The following PDE6C variants were observed in gnomAD, a reference collection of about 807,000 sequenced individuals.
The protein encoded by PDE6C is phosphodiesterase 6C, also known as cone cGMP-specific 3',5'-cyclic phosphodiesterase subunit alpha'.
A neutral mutation model predicts 113.1 loss-of-function variants in PDE6C; 75 were observed. That is an observed-to-expected ratio of 0.66 (90% CI 0.55 to 0.80). The LOEUF (loss-of-function observed/expected upper bound fraction) is 0.80, where lower values mean the gene tolerates loss of function less well. Ranked by LOEUF, PDE6C falls within the 30% of genes least tolerant of loss-of-function variation. PDE6C has a pLI of 0.00. For missense variants in PDE6C, 912 were observed against 1,038.6 expected (o/e 0.88, Z 1.67); for synonymous variants, 375 against 363.7 (o/e 1.03, Z -0.35).
intron 18 of PDE6C, among the ~76,000 whole-genome samples, chr10:93,659,476 A>G (rs2058655989): frequency 1.3e-5 from 2 of 152,210 alleles, no homozygotes; most frequent in African/African-American, 4.8e-5. Flanking sequence ...GCTAATAAAG[A>G]CATACCCGAG....
chr10:93,639,973 T>G, intron 11 of PDE6C, 97 bp from the exon 12 acceptor site: 1 of 1,240,324 alleles, frequency 8.1e-7, no homozygotes, highest in Non-Finnish European at 1.2e-6. Context: ...ATTGTGTTCT[T>G]TTATTGTAAT....
chr10:93,615,443 G>T (rs532303363), intron 1 of PDE6C, among the ~76,000 whole-genome samples: 1 of 152,212 alleles, frequency 6.6e-6, no homozygotes, highest in African/African-American at 2.4e-5. Context: ...GTGCGATGGC[G>T]CTATCTTGGC....
chr10:93,639,887 G>A (rs1358800362), intron 11 of PDE6C, among the ~76,000 whole-genome samples, 183 bp from the exon 12 acceptor site: 4 of 152,210 alleles, frequency 2.6e-5, no homozygotes, highest in Non-Finnish European at 5.9e-5. Context: ...AGATAATCGT[G>A]TAGGCCTGCC....
chr10:93,636,366 C>G (rs11187565), intron 10 of PDE6C, among the ~76,000 whole-genome samples: 46,617 of 90,498 alleles, frequency 0.52, 8,098 homozygotes, highest in Non-Finnish European at 0.57. Flanking sequence ...ATTTCCCTGG[C>G]TTTGTGTGTG....
intron 16 of PDE6C, among the ~76,000 whole-genome samples, chr10:93,658,383 A>G (rs2133876882): frequency 6.6e-6 from 1 of 152,186 alleles, no homozygotes; most frequent in African/African-American, 2.4e-5. Flanking sequence ...TTTGGGTTCC[A>G]ACTTTTTGTT....
intron 1 of PDE6C, among the ~76,000 whole-genome samples, chr10:93,614,347 A>G (rs926820082): frequency 2.6e-5 from 4 of 152,262 alleles, no homozygotes; most frequent in Admixed American, 2.6e-4. Context: ...ACAACCACAG[A>G]ACACCGCTCA....
chr10:93,644,835 A>G (rs1232748177), intron 14 of PDE6C, among the ~76,000 whole-genome samples: 1 of 147,116 alleles, frequency 6.8e-6, no homozygotes, highest in African/African-American at 2.5e-5. Flanking sequence ...TATATATACT[A>G]TATATAGTAC....
chr10:93,628,909 C>G (rs1355559536), intron 7 of PDE6C, among the ~76,000 whole-genome samples: 1 of 152,180 alleles, frequency 6.6e-6, no homozygotes, highest in East Asian at 1.9e-4. Flanking sequence ...GCAATCCTAG[C>G]TCTGCTGCTC....
At chr10:93,649,866 A>G (rs1227151848) in intron 15 of PDE6C, among the ~76,000 whole-genome samples, 1 of 152,150 alleles carries the variant, frequency 6.6e-6, no homozygotes, top group African/African-American at 2.4e-5. Flanking sequence ...TGGCCTCCCA[A>G]AGTGCTGGGA....
rs576721944 is a variant in PDE6C at position 93,651,404 on chromosome 10, G to T, written c.1936-4356G>T. On this transcript the variant is annotated intron_variant, in intron 15 of 21. Coordinates refer to ENST00000371447, the MANE Select transcript of PDE6C (RefSeq NM_006204.4). ...AGGCCTCAGGAAACTTACAATCATG[G>T]CTGAAGGAGAAGGGGAAGCAAGGCA... Among the ~76,000 whole-genome samples, 156 of 152,324 alleles carry T rather than the reference G, an allele frequency of 1.0e-3. 1 individual carries two copies. The Middle Eastern group carries it at 0.014, about 13-fold the overall frequency.
intron 12 of PDE6C, 79 bp downstream of exon 12, chr10:93,640,295 G>A: frequency 7.0e-7 from 1 of 1,422,928 alleles, no homozygotes; most frequent in Middle Eastern, 1.9e-4. Context: ...TCAAAAGATG[G>A]ACTCAGTTTG....
At chr10:93,644,806 T>C (rs2058575590) in intron 14 of PDE6C, among the ~76,000 whole-genome samples, 1 of 147,156 alleles carries the variant, frequency 6.8e-6, no homozygotes, top group Non-Finnish European at 1.5e-5. Flanking sequence ...AGTATATATA[T>C]AGTATGTATA....
Position 93,613,100 on chromosome 10 carries a change from C to A in PDE6C, c.375C>A (p.Asp125Glu). The change falls in exon 1 of 22, where the codon GAC becomes GAA. Residue 125 changes from aspartate (D) to glutamate (E), a missense_variant. Physicochemically the swap from Asp to Glu is conservative, Grantham distance 45. Coordinates refer to ENST00000371447, the MANE Select transcript of PDE6C (RefSeq NM_006204.4). Reference sequence around the variant, plus strand: ...TCACCCCCACCTCCAAGTTTGAGGACAACCTGGTGGGCCCTGACAAAGAAG... The same window carrying A: ...TCACCCCCACCTCCAAGTTTGAGGAAAACCTGGTGGGCCCTGACAAAGAAG... ...LDVTPTSKFEDNLVGPDKEVV... is the reference protein window; with the variant it reads ...LDVTPTSKFEENLVGPDKEVV... The A allele has an allele frequency of 1.2e-6, 2 of 1,614,208 alleles. No individual in the cohort carries two copies. The highest frequency in any genetic ancestry group is 2.2e-5 in the East Asian group (1 of 44,878).
Position 93,634,750 on chromosome 10 carries a change from G to C in PDE6C, c.1120-8G>C. 1.2e-6 allele frequency: 2 copies of C among 1,613,902 alleles called. No individual in the cohort carries two copies. The highest frequency in any genetic ancestry group is 1.7e-6 in the Non-Finnish European group (2 of 1,179,888). ...AAAAAATAACTTGAGGTCCCTTCTC[G>C]TTTGTAGAAAGGACCTGTAGACGAA... On this transcript the variant is annotated splice_region_variant and splice_polypyrimidine_tract_variant and intron_variant, in intron 8 of 21. Transcript: ENST00000371447.
intron 21 of PDE6C, 32 bp downstream of exon 21, chr10:93,663,210 T>C (rs368094590): frequency 5.0e-6 from 8 of 1,607,514 alleles, no homozygotes; most frequent in Admixed American, 1.7e-5. Flanking sequence ...CTCCCTGTAA[T>C]GTAGCCAGAA....
chr10:93,658,782 T>C (rs2058652621), intron 16 of PDE6C, 119 bp from the exon 17 acceptor site: 1 of 708,374 alleles, frequency 1.4e-6, no homozygotes, highest in Non-Finnish European at 2.5e-6. Context: ...CCTGTAGACT[T>C]TGCTATGTGG....
In PDE6C at chr10:93,663,056, C is replaced by T; in HGVS notation, c.2396C>T (p.Thr799Ile). ...TTCTCACGGTTTCACAAAGAAATCA[C>T]ACCTATGCTGAGTGGTCTTCAGAAT... is the stretch of plus-strand genomic sequence containing the variant. ...KEFSRFHKEITPMLSGLQNNR... is the reference protein window; with the variant it reads ...KEFSRFHKEIIPMLSGLQNNR... The change falls in exon 21 of 22, where the codon ACA (threonine) becomes ATA (isoleucine). Residue 799 changes from threonine to isoleucine, a missense_variant. Coordinates refer to ENST00000371447, the MANE Select transcript of PDE6C (RefSeq NM_006204.4). 1 of 1,612,628 alleles carries T rather than the reference C, an allele frequency of 6.2e-7. No homozygotes were observed. Among genetic ancestry groups the T allele is most frequent in the South Asian group, 1.1e-5 (1 of 91,032 alleles).
At chr10:93,614,729 A>G (rs2058411899) in intron 1 of PDE6C, among the ~76,000 whole-genome samples, 1 of 152,160 alleles carries the variant, frequency 6.6e-6, no homozygotes, top group Non-Finnish European at 1.5e-5. Flanking sequence ...AGGAAATAAG[A>G]GCATGGAGCT....
At chr10:93,626,751 G>T in intron 6 of PDE6C, 47 bp downstream of exon 6, 1 of 1,604,026 alleles carries the variant, frequency 6.2e-7, no homozygotes, top group Non-Finnish European at 8.5e-7. Context: ...TTGTATTTTT[G>T]CACATATTGC....
Sources: allele counts gnomAD v4.1 joint callset (sites outside exome capture counted in the v4.1 genomes callset), GRCh38; gene constraint gnomAD v4.1.1; transcripts MANE v1.5; gene names NCBI Gene and HGNC (gene_info 2026-07-23, HGNC 2026-07-21).